ARHGAP23: variants seen among roughly 807,000 people sequenced by gnomAD.
ARHGAP23 encodes the protein Rho GTPase activating protein 23.
Under a neutral mutation model 136.3 loss-of-function variants are expected in ARHGAP23, and 34 were observed. The observed-to-expected ratio is 0.25, with a 90% CI of 0.19 to 0.33. The LOEUF (loss-of-function observed/expected upper bound fraction) is 0.33, where lower values mean the gene tolerates loss of function less well. ARHGAP23 is among the 10% of genes least tolerant of loss of function. The pLI is 1.00. For missense variants in ARHGAP23, 1,808 were observed against 2,139.0 expected (o/e 0.85, Z 3.05); for synonymous variants, 832 against 920.5 (o/e 0.90, Z 1.74).
Position 38,466,306 on chromosome 17 carries a change from T to C in ARHGAP23, c.623T>C (p.Val208Ala), listed in dbSNP as rs1391108521. 6.5e-7 allele frequency: 1 copy of C among 1,546,236 alleles called. No homozygotes were observed. The highest frequency in any genetic ancestry group is 8.7e-7 in the Non-Finnish European group (1 of 1,146,684). The change falls in exon 7 of 24, where the codon GTG becomes GCG. Residue 208 changes from valine to alanine, a missense_variant. By Grantham distance (64) the Val-to-Ala change is moderately conservative (BLOSUM62 0). Transcript: ENST00000622683. ...CGGGCCTCCACCAGGGCCACTATGG[T>C]GCCTGAGCCCACCTCAGCACTGCCC... ...PARASTRATM[V>A]PEPTSALPSD...
chr17:38,447,595 T>A (rs1326758024), intron 1 of ARHGAP23, among the ~76,000 whole-genome samples: 5 of 152,136 alleles, frequency 3.3e-5, no homozygotes, highest in African/African-American at 1.2e-4. Context: ...CCCTTGGGCA[T>A]CCTCCAATCT....
intron 1 of ARHGAP23, among the ~76,000 whole-genome samples, chr17:38,453,418 C>CGTGTGTGTGT (rs1468704405): frequency 9.9e-6 from 1 of 100,864 alleles, no homozygotes; most frequent in Non-Finnish European, 2.0e-5. Flanking sequence ...CGCGCGTATG[C>CGTGTGTGTGT]GTGCGTGTGT....
chr17:38,481,393 C>T (rs1404580995), intron 14 of ARHGAP23, among the ~76,000 whole-genome samples: 2 of 151,856 alleles, frequency 1.3e-5, no homozygotes, highest in Non-Finnish European at 1.5e-5. Context: ...GTGATCCGCC[C>T]GCCTCGGCCT....
intron 16 of ARHGAP23, among the ~76,000 whole-genome samples, chr17:38,482,996 G>C: frequency 6.6e-6 from 1 of 152,230 alleles, no homozygotes; most frequent in East Asian, 1.9e-4. Flanking sequence ...AAAGCCAGGT[G>C]AGGGCATTCC....
At position 38,511,682 on chromosome 17, in the gene ARHGAP23, C is replaced by T. The variant is rs1395738185; in HGVS notation, c.*710C>T. 1 of 152,200 alleles carries T rather than the reference C, an allele frequency of 6.6e-6. No individual in the cohort carries two copies. The highest frequency in any genetic ancestry group is 2.4e-5 in the African/African-American group (1 of 41,406). 9.4% of individuals were successfully genotyped at this position (152,200 alleles called of 1,614,324 possible). ...AGGGTTACTCCCCAACATCCTTTTG[C>T]CTGAGTCACCCTCTAAGCGCTTTAA... On this transcript the variant is annotated 3_prime_UTR_variant, in exon 24 of 24. Coordinates refer to ENST00000622683, the MANE Select transcript of ARHGAP23 (RefSeq NM_001199417.2).
intron 16 of ARHGAP23, among the ~76,000 whole-genome samples, chr17:38,483,588 C>T (rs528003413): frequency 1.3e-5 from 2 of 152,216 alleles, no homozygotes; most frequent in South Asian, 2.1e-4. Flanking sequence ...TTTGGAAAAC[C>T]GTGAACGTGG....
At chr17:38,428,600 G>T in intron 1 of ARHGAP23, 52 bp downstream of exon 1, 1 of 1,252,456 alleles carries the variant, frequency 8.0e-7, no homozygotes. Context: ...GCTGGGGAGC[G>T]GGCTGCCAAG....
intron 20 of ARHGAP23, among the ~76,000 whole-genome samples, chr17:38,495,302 A>C (rs570814285): frequency 3.5e-5 from 5 of 144,094 alleles, no homozygotes; most frequent in African/African-American, 7.8e-5. Context: ...CGCGGTCTCC[A>C]CTCACTGCAG....
rs534336323 is a variant in ARHGAP23 at position 38,481,600 on chromosome 17, T to A, written c.2630-422T>A. Among the ~76,000 whole-genome samples, 236 of 152,116 alleles carry A rather than the reference T, an allele frequency of 1.6e-3. 2 individuals are homozygous for A. In the South Asian group the frequency reaches 0.023, roughly 15 times the overall value. ...AAGCCACTGTGCTTGGCAAAAAAAA[T>A]TTTTTTTAATTAGCCAGGTGTGGTG... On this transcript the variant is annotated intron_variant, in intron 14 of 23. Transcript: ENST00000622683.
chr17:38,483,341 C>A (rs1018961238), intron 16 of ARHGAP23, among the ~76,000 whole-genome samples: 1 of 152,200 alleles, frequency 6.6e-6, no homozygotes, highest in Non-Finnish European at 1.5e-5. Context: ...GCTGATCAGG[C>A]GAGATGAGAC....
In ARHGAP23 at chr17:38,466,830, C is replaced by A. The variant is rs542559568; in HGVS notation, c.1147C>A (p.Gln383Lys). ...CTTTGAGCGGTGTGGCTGGGCTTCC[C>A]AGCGTTCGTCTGCCCGCACCCCCGC... ...PRFERCGWAS[Q>K]RSSARTPACP... Residue 383 changes from glutamine (Q) to lysine (K), a missense_variant, in exon 7 of 24, where the codon CAG becomes AAG. Physicochemically the swap from Gln to Lys is moderately conservative, Grantham distance 53. This residue lies in a region of ARHGAP23 where 859 missense variants were observed against 936.4 expected (regional missense o/e 0.92). Transcript: ENST00000622683. 31 of 1,548,714 alleles carry A rather than the reference C, an allele frequency of 2.0e-5. No homozygotes were observed. The South Asian group carries it at 3.5e-4, about 17-fold the overall frequency.
At chr17:38,436,914 CA>C (rs2144509766) in intron 1 of ARHGAP23, among the ~76,000 whole-genome samples, 2 of 152,282 alleles carry the variant, frequency 1.3e-5, no homozygotes, top group East Asian at 3.9e-4. Context: ...GTAGAATTGC[CA>C]CAGGGATTGG....
intron 23 of ARHGAP23, among the ~76,000 whole-genome samples, chr17:38,506,707 T>C (rs2040641663): frequency 6.6e-6 from 1 of 152,108 alleles, no homozygotes; most frequent in African/African-American, 2.4e-5. Flanking sequence ...ACTAATCCCA[T>C]CAAAAGGTCC....
chr17:38,442,968 G>T (rs770325288), intron 1 of ARHGAP23, among the ~76,000 whole-genome samples: 2 of 152,122 alleles, frequency 1.3e-5, no homozygotes, highest in African/African-American at 4.8e-5. Context: ...GGGATGGAGC[G>T]CTGGGGCCAT....
Position 38,466,282 on chromosome 17 carries a change from G to C in ARHGAP23, c.599G>C (p.Arg200Pro). 6.5e-7 allele frequency: 1 copy of C among 1,547,742 alleles called. No individual in the cohort carries two copies. The highest frequency in any genetic ancestry group is 8.7e-7 in the Non-Finnish European group (1 of 1,146,628). Residue 200 changes from arginine (R) to proline (P), a missense_variant, in exon 7 of 24, where the codon CGG becomes CCG. This residue lies in a region of ARHGAP23 where 859 missense variants were observed against 936.4 expected (regional missense o/e 0.92). Transcript: ENST00000622683. Reference sequence around the variant, plus strand: ...CGCAAGACCTACGCCCCTCCTGCCCGGGCCTCCACCAGGGCCACTATGGTG... The same window carrying C: ...CGCAAGACCTACGCCCCTCCTGCCCCGGCCTCCACCAGGGCCACTATGGTG... The part of the protein sequence containing the change: ...YPRKTYAPPA[R>P]ASTRATMVPE...
At chr17:38,422,409 G>A (rs1245744732) in intron 1 of ARHGAP23, among the ~76,000 whole-genome samples, 3 of 152,132 alleles carry the variant, frequency 2.0e-5, no homozygotes, top group African/African-American at 4.8e-5. Flanking sequence ...TTTGAGCCTC[G>A]CGCACACTCA....
intron 1 of ARHGAP23, among the ~76,000 whole-genome samples, chr17:38,444,262 A>G (rs2038981930): frequency 6.6e-6 from 1 of 152,054 alleles, no homozygotes; most frequent in South Asian, 2.1e-4. Context: ...GAGACGAGGC[A>G]TGCCAGCGCT....
At chr17:38,463,604 G>C (rs1014684055) in intron 6 of ARHGAP23, among the ~76,000 whole-genome samples, 1 of 152,182 alleles carries the variant, frequency 6.6e-6, no homozygotes, top group Non-Finnish European at 1.5e-5. Flanking sequence ...ATTCCTGCCA[G>C]GGTATCTGGA....
chr17:38,504,157 T>G (rs1186969866), intron 23 of ARHGAP23, among the ~76,000 whole-genome samples: 1 of 152,174 alleles, frequency 6.6e-6, no homozygotes, highest in East Asian at 1.9e-4. Context: ...AGGCTCTGAG[T>G]GTTTCTTGAT....
Sources: allele counts gnomAD v4.1 joint callset (sites outside exome capture counted in the v4.1 genomes callset), GRCh38; gene constraint gnomAD v4.1.1; regional missense constraint gnomAD v4.1.1; transcripts MANE v1.5; gene names NCBI Gene and HGNC (gene_info 2026-07-23, HGNC 2026-07-21).